Variants in PCDH9 observed in about 807,000 individuals in gnomAD.
PCDH9 encodes protocadherin-9.
Under a neutral mutation model 70.6 loss-of-function variants are expected in PCDH9, and 24 were observed. The observed-to-expected ratio is 0.34, with a 90% CI of 0.25 to 0.48. The LOEUF is 0.48. Ranked by LOEUF, PCDH9 falls within the 20% of genes least tolerant of loss-of-function variation. The probability of loss-of-function intolerance (pLI) is 0.99; values close to 1 mark genes in which losing one functional copy is unlikely to be tolerated. For missense variants in PCDH9, 1,281 were observed against 1,503.6 expected, an observed-to-expected ratio of 0.85 and a Z score of 2.45; for synonymous variants, 562 against 558.5, an observed-to-expected ratio of 1.01 and a Z score of -0.09.
intron 4 of PCDH9, among the ~76,000 whole-genome samples, chr13:66,381,641 C>A (rs971311802): frequency 6.6e-6 from 1 of 152,044 alleles, no homozygotes; most frequent in Non-Finnish European, 1.5e-5. Context: ...AAGCATACAG[C>A]CAGTCAGTAA....
intron 4 of PCDH9, among the ~76,000 whole-genome samples, chr13:66,452,007 T>G (rs556112829): frequency 1.3e-5 from 2 of 152,328 alleles, no homozygotes; most frequent in South Asian, 4.1e-4. Context: ...ATGGGTCCCC[T>G]AAATTCTGAA....
chr13:67,104,035 C>T (rs1434721895), intron 2 of PCDH9, among the ~76,000 whole-genome samples: 2 of 152,102 alleles, frequency 1.3e-5, no homozygotes, highest in Non-Finnish European at 2.9e-5. Flanking sequence ...ATGTCAACTG[C>T]CATAAGATGC....
At chr13:67,054,125 CCATTA>C (rs1177445731) in intron 2 of PCDH9, among the ~76,000 whole-genome samples, 1 of 152,048 alleles carries the variant, frequency 6.6e-6, no homozygotes, top group Non-Finnish European at 1.5e-5. Context: ...AAGGGACAAA[CCATTA>C]CATTACAAAA....
chr13:66,777,589 T>G (rs1233910269), intron 3 of PCDH9, among the ~76,000 whole-genome samples: 1 of 152,040 alleles, frequency 6.6e-6, no homozygotes, highest in Non-Finnish European at 1.5e-5. Flanking sequence ...AGATACCATC[T>G]CACACCAGTT....
rs142939281 is a variant in PCDH9 at position 66,491,885 on chromosome 13, G to A, written c.3340+139325C>T. ...CTTTGGGTTAAGCTGATTCCACATC[G>A]CGGGACTGTGATACTGGTAGGCCCC... On this transcript the variant is annotated intron_variant, in intron 4 of 4. Transcript: ENST00000377865. Among the ~76,000 whole-genome samples, 562 of 152,066 alleles carry A rather than the reference G, an allele frequency of 3.7e-3. 1 individual carries two copies. Among genetic ancestry groups the A allele is most frequent in the African/African-American group, 0.013 (543 of 41,464 alleles).
intron 2 of PCDH9, among the ~76,000 whole-genome samples, chr13:66,996,891 T>C (rs1566350585): frequency 1.3e-5 from 2 of 152,226 alleles, no homozygotes; most frequent in Admixed American, 6.5e-5. Flanking sequence ...ACTAAGTTTT[T>C]AGCATCAAGG....
At chr13:66,455,846 T>C (rs1399601443) in intron 4 of PCDH9, among the ~76,000 whole-genome samples, 2 of 152,142 alleles carry the variant, frequency 1.3e-5, no homozygotes, top group Non-Finnish European at 2.9e-5. Context: ...GTAAATTTTA[T>C]ATACTAAAGA....
intron 2 of PCDH9, among the ~76,000 whole-genome samples, chr13:67,127,674 A>ATGTGTGTG (rs772540157): frequency 1.1e-3 from 64 of 59,250 alleles, no homozygotes; most frequent in African/African-American, 3.3e-3. Context: ...ATATATATAT[A>ATGTGTGTG]TATGTGTGTG....
intron 2 of PCDH9, among the ~76,000 whole-genome samples, chr13:67,009,080 G>A (rs566783005): frequency 1.3e-5 from 2 of 151,890 alleles, no homozygotes; most frequent in African/African-American, 4.8e-5. Flanking sequence ...GCAGCTCAGA[G>A]CCTAACCTTC....
At position 67,151,211 on chromosome 13, in the gene PCDH9, A is replaced by C. The variant is rs778281166; in HGVS notation, c.3036+74194T>G. Among the ~76,000 whole-genome samples the C allele has an allele frequency of 1.2e-3, 181 of 152,144 alleles. 1 individual carries two copies. Among genetic ancestry groups the C allele is most frequent in the Admixed American group, 2.5e-3 (38 of 15,270 alleles). The stretch of plus-strand genomic sequence containing the variant: ...CCTTTTTTAAAAAAAAATCACATTC[A>C]TGTGTTTTATCTCTGTACTATCTTG... On this transcript the variant is annotated intron_variant, in intron 2 of 4. Transcript: ENST00000377865.
At chr13:66,468,494 ACT>A (rs1308075454) in intron 4 of PCDH9, among the ~76,000 whole-genome samples, 6 of 151,726 alleles carry the variant, frequency 4.0e-5, no homozygotes, top group African/African-American at 1.5e-4. Context: ...TTATTAACCT[ACT>A]CTCATACTCT....
chr13:67,098,384 T>G (rs1307599224), intron 2 of PCDH9, among the ~76,000 whole-genome samples: 1 of 152,170 alleles, frequency 6.6e-6, no homozygotes, highest in Non-Finnish European at 1.5e-5. Context: ...ATATATGCTT[T>G]AGGGAAGTGC....
chr13:66,673,624 C>T (rs2078206731), intron 3 of PCDH9, among the ~76,000 whole-genome samples: 1 of 152,136 alleles, frequency 6.6e-6, no homozygotes, highest in Admixed American at 6.5e-5. Context: ...AAGGCAGAAA[C>T]TCTGTGGACA....
intron 3 of PCDH9, among the ~76,000 whole-genome samples, chr13:66,690,562 A>G (rs2078469146): frequency 6.6e-6 from 1 of 152,184 alleles, no homozygotes; most frequent in South Asian, 2.1e-4. Context: ...AAAAAAGGCT[A>G]TGAAAACAGA....
In PCDH9 at chr13:66,304,482, T is replaced by C. The variant is rs1303776306; in HGVS notation, c.*173A>G. 1.7e-6 allele frequency: 1 copy of C among 581,876 alleles called. No homozygotes were observed. The highest frequency in any genetic ancestry group is 3.0e-6 in the Non-Finnish European group (1 of 329,022). The allele number at this position is 581,876 out of a possible 1,614,324, so 36.0% of individuals were successfully genotyped here. Reference sequence around the variant, plus strand: ...GTAAACAAAATTGCATGGCTAGAACTATCTTCTCTCATATGTTGCAAAAAC... The same window carrying C: ...GTAAACAAAATTGCATGGCTAGAACCATCTTCTCTCATATGTTGCAAAAAC... On this transcript the variant is annotated 3_prime_UTR_variant, in exon 5 of 5. Transcript: ENST00000377865.
chr13:66,375,215 A>G (rs1263055949), intron 4 of PCDH9, among the ~76,000 whole-genome samples: 2 of 152,080 alleles, frequency 1.3e-5, no homozygotes, highest in African/African-American at 2.4e-5. Flanking sequence ...TCAGGTGCCT[A>G]CTGATAATAT....
At chr13:66,940,945 AT>A (rs536268912) in intron 2 of PCDH9, among the ~76,000 whole-genome samples, 53 of 152,084 alleles carry the variant, frequency 3.5e-4, no homozygotes, top group South Asian at 8.3e-4. Context: ...AACTGGCCAA[AT>A]TATGAAAAAG....
rs1003494179 is a variant in PCDH9, at chr13:66,662,063, A to G, written c.3139-30652T>C. Among the ~76,000 whole-genome samples, 9 of 144,092 alleles carry G rather than the reference A, an allele frequency of 6.2e-5. No homozygotes were observed. The East Asian group carries it at 8.0e-4, about 13-fold the overall frequency. 94.5% of individuals were successfully genotyped at this position (144,092 alleles called of 152,430 possible). A position where few individuals can be genotyped will look rare whatever the true frequency, so the allele number is the denominator to read the frequency against. ...AGTATGTGTGTGTGTGTGTGTGTGTATGTGTGTATGTGTGTTAGGAAGTGG... is the reference window on the plus strand; with the variant it reads ...AGTATGTGTGTGTGTGTGTGTGTGTGTGTGTGTATGTGTGTTAGGAAGTGG... On this transcript the variant is annotated intron_variant, in intron 3 of 4. Coordinates refer to ENST00000377865, the MANE Select transcript of PCDH9 (RefSeq NM_203487.3).
intron 3 of PCDH9, among the ~76,000 whole-genome samples, chr13:66,819,515 G>A (rs1013911532): frequency 2.0e-5 from 3 of 152,146 alleles, no homozygotes; most frequent in African/African-American, 7.2e-5. Context: ...ATGATTCAAT[G>A]AAAGGACGAC....
Sources: allele counts gnomAD v4.1 joint callset (sites outside exome capture counted in the v4.1 genomes callset), GRCh38; gene constraint gnomAD v4.1.1; transcripts MANE v1.5; gene names NCBI Gene and HGNC (gene_info 2026-07-23, HGNC 2026-07-21).